RGS10: variants seen among roughly 807,000 people sequenced by gnomAD.
RGS10 encodes regulator of G protein signaling 10, also known as regulator of G-protein signalling 10.
In RGS10, 11 loss-of-function variants were observed where a neutral mutation model predicts 23.5. The observed-to-expected ratio is 0.47, with a 90% confidence interval of 0.29 to 0.77. The LOEUF is 0.77. RGS10 is among the 30% of genes least tolerant of loss of function. RGS10 has a pLI of 0.08. For missense variants in RGS10, 180 were observed against 226.3 expected, an observed-to-expected ratio of 0.80 and a Z score of 1.31; for synonymous variants, 77 against 83.2, an observed-to-expected ratio of 0.92 and a Z score of 0.41.
chr10:119,536,854 A>C (rs2277266), intron 1 of RGS10, among the ~76,000 whole-genome samples: 126,800 of 152,046 alleles, frequency 0.83, 53,279 homozygotes, highest in Middle Eastern at 0.92. Context: ...AGCTGCCCTC[A>C]CCCTCCTACT....
intron 3 of RGS10, among the ~76,000 whole-genome samples, chr10:119,519,899 C>G (rs1844193891): frequency 2.0e-5 from 3 of 152,236 alleles, no homozygotes; most frequent in Admixed American, 1.3e-4. Context: ...CAACCCTCCC[C>G]CAAGCTACTG....
At chr10:119,532,469 C>G (rs148802390) in intron 1 of RGS10, among the ~76,000 whole-genome samples, 2,484 of 152,262 alleles carry the variant, frequency 0.016, 42 homozygotes, top group Non-Finnish European at 0.028. Flanking sequence ...AATACCAGCA[C>G]TTTGGGAGGC....
chr10:119,514,376 G>A (rs575591211), intron 4 of RGS10, among the ~76,000 whole-genome samples: 32 of 151,194 alleles, frequency 2.1e-4, no homozygotes, highest in African/African-American at 7.8e-4. Flanking sequence ...AACCTGAAAA[G>A]GCCAGGTGCA....
chr10:119,524,415 C>A lies in RGS10; in HGVS notation c.255+1617G>T, dbSNP rs1044217529. On this transcript the variant is annotated intron_variant, in intron 3 of 4. Transcript: ENST00000369103. This position sits in a 1 kb window ranked among gnomAD's most constrained non-coding sequence, Gnocchi z 5.2. ...CTGCAGGGGCGGACCGGCCCACCCA[C>A]AGGCCCCTCCTACCTCTAACACTCA... 2.6e-5 allele frequency among the ~76,000 whole-genome samples: 4 copies of A among 152,196 alleles called. No homozygotes were observed. The highest frequency in any genetic ancestry group is 2.6e-4 in the Admixed American group (4 of 15,276).
chr10:119,531,543 T>C (rs918280516), intron 1 of RGS10, among the ~76,000 whole-genome samples: 1 of 152,178 alleles, frequency 6.6e-6, no homozygotes. Flanking sequence ...ACTCTAATCA[T>C]TTTTGCATAT....
In RGS10 at chr10:119,527,938, T is replaced by C. The variant is rs927799777; in HGVS notation, c.50-514A>G. Among the ~76,000 whole-genome samples the C allele has an allele frequency of 6.6e-6, 1 of 152,114 alleles. No homozygotes were observed. Among genetic ancestry groups the C allele is most frequent in the African/African-American group, 2.4e-5 (1 of 41,428 alleles). On this transcript the variant is annotated intron_variant, in intron 1 of 4. Coordinates refer to ENST00000369103, the MANE Select transcript of RGS10 (RefSeq NM_001005339.2). The surrounding 1 kb of genome is among the most constrained non-coding windows in gnomAD (Gnocchi z 4.2). ...TCTGGCACAGAGATTAAAAAACTCA[T>C]TGCAGGACGGGACCCACGTGATGGC...
intron 4 of RGS10, 122 bp from the exon 5 acceptor site, chr10:119,500,381 C>T (rs1362369157): frequency 7.9e-6 from 7 of 887,994 alleles, no homozygotes; most frequent in South Asian, 2.3e-5. Flanking sequence ...AAAGAACACA[C>T]TAAGAAAGCT....
intron 4 of RGS10, among the ~76,000 whole-genome samples, chr10:119,501,971 G>A (rs1041413416): frequency 3.3e-5 from 5 of 151,960 alleles, no homozygotes; most frequent in Admixed American, 1.3e-4. Context: ...TTAAACTAGC[G>A]CCTGCCCATC....
intron 1 of RGS10, among the ~76,000 whole-genome samples, chr10:119,531,008 G>A (rs749016633): frequency 2.6e-5 from 4 of 152,194 alleles, no homozygotes; most frequent in Non-Finnish European, 4.4e-5. Context: ...CCTCCAGTTC[G>A]TGGATATTAA....
rs1357597378 is a variant in RGS10 at position 119,536,456 on chromosome 10, T to A, written c.49+6134A>T. ...CGGACATGGAAAGGGGTGGGGGCGA[T>A]TCCTTACGTTCCATGCTCTGGTGTC... On this transcript the variant is annotated intron_variant, in intron 1 of 4. Transcript: ENST00000369103. 3 of 1,612,932 alleles carry A rather than the reference T, an allele frequency of 1.9e-6. No homozygotes were observed. In the Admixed American group the frequency reaches 5.0e-5, roughly 27 times the overall value.
intron 3 of RGS10, among the ~76,000 whole-genome samples, chr10:119,518,410 C>A (rs1364439122): frequency 6.6e-6 from 1 of 152,226 alleles, no homozygotes; most frequent in African/African-American, 2.4e-5. Context: ...AAGGCTGAGG[C>A]CCTTCTTCGA....
chr10:119,540,081 T>TAC (rs1844422959), intron 1 of RGS10, among the ~76,000 whole-genome samples: 2 of 152,068 alleles, frequency 1.3e-5, no homozygotes, highest in Non-Finnish European at 1.5e-5. Flanking sequence ...CACGGCTGGG[T>TAC]GGTGATGACC....
intron 4 of RGS10, among the ~76,000 whole-genome samples, chr10:119,506,997 C>T (rs1395552816): frequency 2.0e-5 from 3 of 152,322 alleles, no homozygotes; most frequent in Admixed American, 6.5e-5. Flanking sequence ...CCATGCCCAG[C>T]ACCAAATACC....
At chr10:119,528,646 G>T (rs956517335) in intron 1 of RGS10, among the ~76,000 whole-genome samples, 2 of 151,954 alleles carry the variant, frequency 1.3e-5, no homozygotes, top group African/African-American at 4.8e-5. Context: ...ATCACCAGAG[G>T]TCAGGAGTGA....
At chr10:119,518,871 A>AT (rs1202488900) in intron 3 of RGS10, among the ~76,000 whole-genome samples, 3 of 151,910 alleles carry the variant, frequency 2.0e-5, no homozygotes, top group African/African-American at 7.3e-5. Flanking sequence ...CGCCCGGCTA[A>AT]TTTTTTGTAT....
chr10:119,530,479 A>G (rs1158144876), intron 1 of RGS10, among the ~76,000 whole-genome samples: 1 of 152,180 alleles, frequency 6.6e-6, no homozygotes, highest in Non-Finnish European at 1.5e-5. Flanking sequence ...GCTTGATCTC[A>G]GGAGTTCAAG....
Position 119,524,181 on chromosome 10 carries a change from C to T in RGS10, c.255+1851G>A, listed in dbSNP as rs905528637. Reference sequence around the variant, plus strand: ...ACAGGCTTGCTCCCCTTGAGGTGCCCGTTCCCTGGAGCCGCTCACCTGTCC... The same window carrying T: ...ACAGGCTTGCTCCCCTTGAGGTGCCTGTTCCCTGGAGCCGCTCACCTGTCC... On this transcript the variant is annotated intron_variant, in intron 3 of 4. Transcript: ENST00000369103. The surrounding 1 kb of genome is among the most constrained non-coding windows in gnomAD (Gnocchi z 5.2). Among the ~76,000 whole-genome samples, 7 of 152,188 alleles carry T rather than the reference C, an allele frequency of 4.6e-5. No individual in the cohort carries two copies. Among genetic ancestry groups the T allele is most frequent in the Admixed American group, 1.3e-4 (2 of 15,284 alleles).
chr10:119,536,499 G>A (rs183682110), intron 1 of RGS10: 594 of 1,611,250 alleles, frequency 3.7e-4, no homozygotes, highest in African/African-American at 1.7e-3. Context: ...GAAGTTCCAC[G>A]CAGACCAACA....
intron 3 of RGS10, among the ~76,000 whole-genome samples, chr10:119,521,210 G>A (rs1004610256): frequency 9.2e-5 from 14 of 152,182 alleles, no homozygotes; most frequent in African/African-American, 3.4e-4. Context: ...GGTCCAGGCT[G>A]CAAAGAGCCG....
Sources: allele counts gnomAD v4.1 joint callset (sites outside exome capture counted in the v4.1 genomes callset), GRCh38; gene constraint gnomAD v4.1.1; non-coding constraint Gnocchi (gnomAD v3.1); transcripts MANE v1.5; gene names NCBI Gene and HGNC (gene_info 2026-07-23, HGNC 2026-07-21).